Variants in CSMD1 observed in about 807,000 individuals in gnomAD.
CSMD1 encodes CUB and sushi domain-containing protein 1.
CSMD1 carries 213 observed loss-of-function variants against 417.5 expected under a neutral mutation model. The ratio of observed to expected loss-of-function variants is 0.51; its 90% CI spans 0.46 to 0.57. The LOEUF is 0.57. CSMD1 is among the 20% of genes least tolerant of loss of function. The pLI is 0.00. For synonymous variants in CSMD1, 2,862 were observed against 1,736.8 expected, an observed-to-expected ratio of 1.65 and a Z score of -16.11; for missense variants, 6,923 against 4,529.7, an observed-to-expected ratio of 1.53 and a Z score of -15.17.
chr8:4,184,278 C>G (rs1399071001), intron 3 of CSMD1, among the ~76,000 whole-genome samples: 2 of 152,166 alleles, frequency 1.3e-5, no homozygotes, highest in African/African-American at 2.4e-5. Context: ...CATTTATAAT[C>G]TAACGCTATT....
rs1311745541 is a variant in CSMD1 at position 3,505,010 on chromosome 8, A to T, written c.1345-11284T>A. Among the ~76,000 whole-genome samples the T allele has an allele frequency of 9.1e-5, 7 of 77,022 alleles. No individual in the cohort carries two copies. In the East Asian group the frequency reaches 5.3e-3, roughly 58 times the overall value. 50.5% of individuals were successfully genotyped at this position (77,022 alleles called of 152,430 possible). On this transcript the variant is annotated intron_variant, in intron 10 of 69. Transcript: ENST00000635120. ...AAGCAAACAAAACAGTGATGGAGAA[A>T]CAGTTAAAAAAAAAAAAAGTTTTGC...
chr8:3,716,849 T>G (rs1447482138), intron 6 of CSMD1, among the ~76,000 whole-genome samples: 1 of 151,644 alleles, frequency 6.6e-6, no homozygotes, highest in African/African-American at 2.4e-5. Flanking sequence ...AACATTATCA[T>G]CATCGGAATT....
intron 25 of CSMD1, among the ~76,000 whole-genome samples, chr8:3,295,749 A>G (rs904296858): frequency 7.9e-5 from 12 of 152,166 alleles, no homozygotes; most frequent in Non-Finnish European, 1.5e-4. Context: ...TCAGACTAAG[A>G]GTTCTACATA....
At chr8:3,593,164 G>A (rs1202995470) in intron 8 of CSMD1, among the ~76,000 whole-genome samples, 1 of 152,186 alleles carries the variant, frequency 6.6e-6, no homozygotes, top group African/African-American at 2.4e-5. Context: ...TGGCGTGGAG[G>A]CTGTGGAAGC....
intron 49 of CSMD1, among the ~76,000 whole-genome samples, chr8:3,064,012 T>C (rs1458046225): frequency 2.6e-5 from 4 of 152,178 alleles, no homozygotes; most frequent in Admixed American, 2.6e-4. Context: ...TAAAGTTAGA[T>C]AGGGAACATT....
intron 37 of CSMD1, among the ~76,000 whole-genome samples, chr8:3,168,895 A>T (rs1054456657): frequency 6.6e-6 from 1 of 151,396 alleles, no homozygotes; most frequent in Non-Finnish European, 1.5e-5. Context: ...GAAGTGACAA[A>T]ATACCTTTAG....
At chr8:3,455,966 G>C (rs994010814) in intron 12 of CSMD1, among the ~76,000 whole-genome samples, 5 of 152,064 alleles carry the variant, frequency 3.3e-5, no homozygotes, top group Non-Finnish European at 7.4e-5. Flanking sequence ...CACCCAGTTC[G>C]AGCTTCCGGG....
intron 7 of CSMD1, among the ~76,000 whole-genome samples, chr8:3,653,123 T>A (rs1306146428): frequency 1.3e-5 from 2 of 152,080 alleles, no homozygotes; most frequent in Non-Finnish European, 2.9e-5. Context: ...CTTTATTAAT[T>A]GAAAGCCCTA....
At chr8:4,580,221 C>A (rs1799347153) in intron 2 of CSMD1, among the ~76,000 whole-genome samples, 1 of 152,206 alleles carries the variant, frequency 6.6e-6, no homozygotes, top group Non-Finnish European at 1.5e-5. Flanking sequence ...GCTGCCCTTC[C>A]CCTTGTGGGT....
At chr8:4,895,427 T>A (rs558112346) in intron 1 of CSMD1, among the ~76,000 whole-genome samples, 1 of 152,132 alleles carries the variant, frequency 6.6e-6, no homozygotes, top group Non-Finnish European at 1.5e-5. Flanking sequence ...CTGAGTAAAT[T>A]TCATTTTCTG....
At position 2,967,320 on chromosome 8, in the gene CSMD1, T is replaced by C. The variant is rs150244103; in HGVS notation, c.8924-574A>G. On this transcript the variant is annotated intron_variant, in intron 57 of 69. Transcript: ENST00000635120. ...TGTCCTCAATAATTACCAGCTCTAA[T>C]AGCAGCTGTGTTAATTGGCTTTGAC... is the stretch of plus-strand genomic sequence containing the variant. Among the ~76,000 whole-genome samples the C allele has an allele frequency of 1.6e-3, 238 of 152,308 alleles. 1 individual carries two copies. Among genetic ancestry groups the C allele is most frequent in the African/African-American group, 5.4e-3 (224 of 41,566 alleles).
intron 5 of CSMD1, among the ~76,000 whole-genome samples, chr8:3,868,011 T>C (rs866947666): frequency 6.6e-6 from 1 of 152,134 alleles, no homozygotes; most frequent in South Asian, 2.1e-4. Flanking sequence ...CACCTCATCC[T>C]TCCTTCTCCA....
intron 3 of CSMD1, among the ~76,000 whole-genome samples, chr8:4,249,529 C>A (rs1021261824): frequency 6.6e-6 from 1 of 152,202 alleles, no homozygotes; most frequent in African/African-American, 2.4e-5. Context: ...TACTGACGTG[C>A]ACTGTGACTC....
intron 1 of CSMD1, among the ~76,000 whole-genome samples, chr8:4,987,500 T>A (rs997061608): frequency 6.6e-6 from 1 of 152,214 alleles, no homozygotes; most frequent in Admixed American, 6.5e-5. Context: ...ATCTCTATCA[T>A]ATCCACATCA....
chr8:3,799,804 A>C (rs988370369), intron 5 of CSMD1, among the ~76,000 whole-genome samples: 2 of 152,136 alleles, frequency 1.3e-5, no homozygotes, highest in Non-Finnish European at 2.9e-5. Flanking sequence ...TCTATAGTGA[A>C]TATTACAAAT....
At chr8:3,700,685 T>A (rs1157335966) in intron 7 of CSMD1, 1 of 152,140 alleles carries the variant, frequency 6.6e-6, no homozygotes, top group African/African-American at 2.4e-5. Flanking sequence ...ACGGCTTCTT[T>A]GGGACATTAT....
At chr8:4,240,199 G>C (rs1213420012) in intron 3 of CSMD1, among the ~76,000 whole-genome samples, 1 of 152,234 alleles carries the variant, frequency 6.6e-6, no homozygotes, top group Non-Finnish European at 1.5e-5. Flanking sequence ...CCATAACTGT[G>C]ATTTTGACAA....
intron 2 of CSMD1, among the ~76,000 whole-genome samples, chr8:4,605,836 C>T (rs573098151): frequency 5.3e-5 from 8 of 152,220 alleles, no homozygotes; most frequent in South Asian, 4.1e-4. Context: ...GACAAGGGTT[C>T]GTGTTCTAAT....
chr8:4,311,851 C>A (rs926458805), intron 3 of CSMD1, among the ~76,000 whole-genome samples: 1 of 151,952 alleles, frequency 6.6e-6, no homozygotes, highest in Non-Finnish European at 1.5e-5. Flanking sequence ...GAAAAGATCA[C>A]TGTTAGGTAC....
Sources: allele counts gnomAD v4.1 joint callset (sites outside exome capture counted in the v4.1 genomes callset), GRCh38; gene constraint gnomAD v4.1.1; transcripts MANE v1.5; gene names NCBI Gene and HGNC (gene_info 2026-07-23, HGNC 2026-07-21).